Variants in RASAL2 observed in about 807,000 individuals in gnomAD.
The protein encoded by RASAL2 is ras GTPase-activating protein nGAP.
In RASAL2, 58 loss-of-function variants were observed where a neutral mutation model predicts 128.9. The ratio of observed to expected loss-of-function variants is 0.45; its 90% CI spans 0.36 to 0.56. The LOEUF (loss-of-function observed/expected upper bound fraction) is 0.56, where lower values mean the gene tolerates loss of function less well. Among genes scored for constraint, RASAL2 ranks in the 20% least tolerant of loss-of-function variants. RASAL2 has a pLI of 0.00. For synonymous variants in RASAL2, 561 were observed against 580.8 expected (o/e 0.97, Z 0.49); for missense variants, 1,360 against 1,601.6 (o/e 0.85, Z 2.57).
intron 1 of RASAL2, among the ~76,000 whole-genome samples, chr1:178,259,575 A>G (rs1179920899): frequency 6.6e-6 from 1 of 152,096 alleles, no homozygotes; most frequent in Non-Finnish European, 1.5e-5. Flanking sequence ...GGTAAACTAC[A>G]TGTTTTGTTT....
At chr1:178,237,509 A>G (rs985673717) in intron 1 of RASAL2, among the ~76,000 whole-genome samples, 3 of 152,184 alleles carry the variant, frequency 2.0e-5, no homozygotes, top group Admixed American at 6.5e-5. Flanking sequence ...ATCTTATTCC[A>G]GTCTAACCAG....
intron 4 of RASAL2, chr1:178,411,600 A>G (rs1572026971): frequency 2.7e-6 from 2 of 734,056 alleles, no homozygotes; most frequent in Non-Finnish European, 5.1e-6. Flanking sequence ...GACGACATGC[A>G]GAAATGGCAC....
At chr1:178,127,368 G>T (rs981052614) in intron 1 of RASAL2, among the ~76,000 whole-genome samples, 1 of 152,126 alleles carries the variant, frequency 6.6e-6, no homozygotes, top group African/African-American at 2.4e-5. Context: ...AAATAGAAGC[G>T]TTTAAAGGCA....
chr1:178,327,344 A>AT lies in RASAL2; in HGVS notation c.457+27230dup, dbSNP rs1022071020. On this transcript the variant is annotated intron_variant, in intron 3 of 17. Transcript: ENST00000367649. ...ATAAAATACAGTTTATTTTATTTTT[A>AT]TTTTATTTATTTATATTTCGAGAAA... Among the ~76,000 whole-genome samples the AT allele has an allele frequency of 1.6e-4, 25 of 152,040 alleles. 1 individual carries two copies. The highest frequency in any genetic ancestry group is 1.3e-3 in the Admixed American group (20 of 15,256).
intron 1 of RASAL2, among the ~76,000 whole-genome samples, chr1:178,241,528 G>A (rs2102052517): frequency 6.6e-6 from 1 of 152,268 alleles, no homozygotes; most frequent in Non-Finnish European, 1.5e-5. Context: ...GTCAGTCTGA[G>A]AATCAAACTT....
chr1:178,282,277 A>AG (rs1351820142), intron 1 of RASAL2, among the ~76,000 whole-genome samples: 1 of 152,210 alleles, frequency 6.6e-6, no homozygotes, highest in Non-Finnish European at 1.5e-5. Flanking sequence ...CAGTTTAGAT[A>AG]GCCTTAGAGA....
intron 1 of RASAL2, among the ~76,000 whole-genome samples, chr1:178,240,594 TA>T (rs1664454792): frequency 6.6e-6 from 1 of 152,012 alleles, no homozygotes; most frequent in African/African-American, 2.4e-5. Context: ...ATTTTCATAG[TA>T]AATAATGTAT....
intron 1 of RASAL2, among the ~76,000 whole-genome samples, chr1:178,252,324 C>T (rs1240580715): frequency 1.3e-5 from 2 of 151,992 alleles, no homozygotes; most frequent in East Asian, 3.8e-4. Context: ...ACTCTGAAAT[C>T]TCACTATTCA....
At chr1:178,317,985 A>G (rs1337700121) in intron 3 of RASAL2, among the ~76,000 whole-genome samples, 14 of 150,484 alleles carry the variant, frequency 9.3e-5, no homozygotes, top group African/African-American at 3.2e-4. Flanking sequence ...AGATTCTGGT[A>G]TGTTGTGTCT....
chr1:178,350,477 G>A (rs886845036), intron 3 of RASAL2, among the ~76,000 whole-genome samples: 12 of 152,106 alleles, frequency 7.9e-5, no homozygotes, highest in Non-Finnish European at 1.5e-4. Context: ...CAGGCAGTCC[G>A]CCTGCCTTGA....
chr1:178,335,449 T>C lies in RASAL2; in HGVS notation c.457+35331T>C, dbSNP rs563977348. ...GGGGCCCCTCATTTTCTCTTGAATTTGATTTCTTCCAAACAACACAAAATT... is the reference window on the plus strand; with the variant it reads ...GGGGCCCCTCATTTTCTCTTGAATTCGATTTCTTCCAAACAACACAAAATT... On this transcript the variant is annotated intron_variant, in intron 3 of 17. Transcript: ENST00000367649. 2.0e-5 allele frequency among the ~76,000 whole-genome samples: 3 copies of C among 152,308 alleles called. No individual in the cohort carries two copies. The East Asian group carries it at 5.8e-4, about 29-fold the overall frequency.
intron 1 of RASAL2, among the ~76,000 whole-genome samples, chr1:178,249,790 T>C (rs549562578): frequency 3.9e-5 from 6 of 152,314 alleles, no homozygotes; most frequent in Admixed American, 3.9e-4. Context: ...TGATATTGCT[T>C]CCTGTTTGTT....
chr1:178,462,766 A>G (rs1464477044), intron 14 of RASAL2, among the ~76,000 whole-genome samples: 1 of 152,196 alleles, frequency 6.6e-6, no homozygotes, highest in Non-Finnish European at 1.5e-5. Context: ...CCAACAAAAT[A>G]GTAGAAATTT....
rs77866862 is a variant in RASAL2, at chr1:178,347,492, A to G, written c.458-42608A>G. Among the ~76,000 whole-genome samples, 907 of 152,324 alleles carry G rather than the reference A, an allele frequency of 6.0e-3. 8 individuals are homozygous for G. The highest frequency in any genetic ancestry group is 0.019 in the African/African-American group (804 of 41,584). On this transcript the variant is annotated intron_variant, in intron 3 of 17. Transcript: ENST00000367649. ...AACAGGCTCCTACACATCAGTGAGA[A>G]AAAAGCAAGACTGGAATGCTCATTT...
intron 3 of RASAL2, chr1:178,389,365 C>G: frequency 3.5e-6 from 2 of 567,692 alleles, no homozygotes; most frequent in Non-Finnish European, 4.5e-6. Flanking sequence ...TATATATACA[C>G]ATGTATATAT....
chr1:178,385,213 G>T (rs1672494304), intron 3 of RASAL2, among the ~76,000 whole-genome samples: 1 of 152,144 alleles, frequency 6.6e-6, no homozygotes, highest in African/African-American at 2.4e-5. Flanking sequence ...AGCACTTTGG[G>T]AGGCCAAGGC....
rs1378648421 is a variant in RASAL2, at chr1:178,458,065, C to T, written c.2773C>T (p.Pro925Ser). 2 of 1,614,020 alleles carry T rather than the reference C, an allele frequency of 1.2e-6. No homozygotes were observed. The highest frequency in any genetic ancestry group is 8.5e-7 in the Non-Finnish European group (1 of 1,180,040). The change falls in exon 14 of 18, where the codon CCT becomes TCT. Residue 925 changes from proline (P) to serine (S), a missense_variant. Coordinates refer to ENST00000367649, the MANE Select transcript of RASAL2 (RefSeq NM_170692.4). ...GGLQPLSFQN[P>S]VYHLNNPIPA... ...CCTTCAGCCCTTGTCGTTCCAGAAC[C>T]CTGTCTATCACCTCAATAACCCAAT...
intron 9 of RASAL2, among the ~76,000 whole-genome samples, chr1:178,450,066 T>G (rs953229323): frequency 6.6e-6 from 1 of 152,130 alleles, no homozygotes; most frequent in African/African-American, 2.4e-5. Flanking sequence ...ACAGGAGACA[T>G]AGAGAACATA....
chr1:178,340,988 T>A (rs1347681681), intron 3 of RASAL2, among the ~76,000 whole-genome samples: 1 of 152,228 alleles, frequency 6.6e-6, no homozygotes, highest in Non-Finnish European at 1.5e-5. Flanking sequence ...AAATTTTAGA[T>A]ATTTCCGTTA....
Sources: allele counts gnomAD v4.1 joint callset (sites outside exome capture counted in the v4.1 genomes callset), GRCh38; gene constraint gnomAD v4.1.1; transcripts MANE v1.5; gene names NCBI Gene and HGNC (gene_info 2026-07-23, HGNC 2026-07-21).